The following RAD54L2 variants were observed in gnomAD, a reference collection of about 807,000 sequenced individuals.
RAD54L2 encodes the protein RAD54 like 2, also known as helicase ARIP4.
A neutral mutation model predicts 138.4 loss-of-function variants in RAD54L2; 27 were observed. The observed-to-expected ratio is 0.20, with a 90% CI of 0.14 to 0.27. The LOEUF (loss-of-function observed/expected upper bound fraction) is 0.27. RAD54L2 is among the 10% of genes least tolerant of loss of function. The pLI, the probability that RAD54L2 is intolerant of heterozygous loss-of-function variation, is 1.00. For missense variants in RAD54L2, 1,396 were observed against 1,890.2 expected (o/e 0.74, Z 4.85); for synonymous variants, 644 against 723.2 (o/e 0.89, Z 1.76).
At chr3:51,626,105 A>C (rs1242081740) in intron 3 of RAD54L2, among the ~76,000 whole-genome samples, 1 of 151,982 alleles carries the variant, frequency 6.6e-6, no homozygotes, top group African/African-American at 2.4e-5. Context: ...AAAAACAACC[A>C]AAAAAACCCC....
chr3:51,659,107 T>G (rs1701687716), intron 21 of RAD54L2, among the ~76,000 whole-genome samples: 1 of 141,220 alleles, frequency 7.1e-6, no homozygotes, highest in South Asian at 2.4e-4. Context: ...TGTTTTTTTT[T>G]TTTTTTTTTT....
At chr3:51,612,776 G>A (rs1406729053) in intron 3 of RAD54L2, among the ~76,000 whole-genome samples, 2 of 151,434 alleles carry the variant, frequency 1.3e-5, no homozygotes, top group African/African-American at 4.9e-5. Context: ...TATTTCATGA[G>A]TGAAAAAGTA....
chr3:51,589,134 C>T (rs746310948), intron 2 of RAD54L2, among the ~76,000 whole-genome samples: 14 of 152,166 alleles, frequency 9.2e-5, no homozygotes, highest in Non-Finnish European at 1.5e-4. Flanking sequence ...CTGATAAATG[C>T]ATCGTAAGTT....
intron 3 of RAD54L2, 34 bp from the exon 4 acceptor site, chr3:51,627,519 C>A: frequency 6.5e-7 from 1 of 1,540,566 alleles, no homozygotes; most frequent in South Asian, 1.2e-5. Context: ...CCCCTCACCC[C>A]TATAAAGCAA....
At chr3:51,581,263 A>C (rs912350933) in intron 2 of RAD54L2, among the ~76,000 whole-genome samples, 6 of 152,052 alleles carry the variant, frequency 3.9e-5, no homozygotes. Flanking sequence ...ACAACCGGCT[A>C]ATTTTTGTAT....
Position 51,662,660 on chromosome 3 carries a change from T to C in RAD54L2, c.3644T>C (p.Val1215Ala). 1 of 1,613,546 alleles carries C rather than the reference T, an allele frequency of 6.2e-7. No individual in the cohort carries two copies. The highest frequency in any genetic ancestry group is 8.5e-7 in the Non-Finnish European group (1 of 1,179,726). ...PPAQLMDSSA[V>A]PGTALGTEPR... Reference sequence around the variant, plus strand: ...GCCCAACTTATGGACAGCAGTGCTGTTCCCGGGACAGCTCTCGGAACTGAG... The same window carrying C: ...GCCCAACTTATGGACAGCAGTGCTGCTCCCGGGACAGCTCTCGGAACTGAG... Residue 1215 changes from valine to alanine, a missense_variant, in exon 23 of 23, where the codon GTT becomes GCT. By Grantham distance (64) the Val-to-Ala change is moderately conservative. Transcript: ENST00000684192. The surrounding 1 kb of genome is among the most constrained non-coding windows in gnomAD (Gnocchi z 4.6).
chr3:51,627,067 G>T (rs893440298), intron 3 of RAD54L2, among the ~76,000 whole-genome samples: 2 of 152,116 alleles, frequency 1.3e-5, no homozygotes, highest in African/African-American at 4.8e-5. Context: ...CCCTTGAAGC[G>T]TCTAGGATAT....
intron 2 of RAD54L2, among the ~76,000 whole-genome samples, chr3:51,576,856 C>T (rs1171762010): frequency 5.3e-5 from 8 of 151,910 alleles, no homozygotes; most frequent in African/African-American, 1.9e-4. Flanking sequence ...TCCTTCAGTT[C>T]TGCTCTGATC....
At chr3:51,629,237 C>T (rs1577438553) in intron 4 of RAD54L2, 97 bp from the exon 5 acceptor site, 1 of 1,365,798 alleles carries the variant, frequency 7.3e-7, no homozygotes, top group East Asian at 2.5e-5. Context: ...CCCGCCTCGA[C>T]TCTGAGATCA....
At chr3:51,581,768 T>C (rs1297630791) in intron 2 of RAD54L2, among the ~76,000 whole-genome samples, 1 of 152,140 alleles carries the variant, frequency 6.6e-6, no homozygotes, top group Non-Finnish European at 1.5e-5. Flanking sequence ...GCTTGGCTTT[T>C]TTCCAAGCCT....
At chr3:51,633,838 CT>C in intron 8 of RAD54L2, 63 bp from the exon 9 acceptor site, 1 of 1,603,512 alleles carries the variant, frequency 6.2e-7, no homozygotes, top group Non-Finnish European at 8.5e-7. Flanking sequence ...CACCAAAAAG[CT>C]TGATGAGCTC....
chr3:51,543,111 G>A (rs1553671600), intron 2 of RAD54L2, among the ~76,000 whole-genome samples: 1 of 151,854 alleles, frequency 6.6e-6, no homozygotes, highest in Non-Finnish European at 1.5e-5. Flanking sequence ...CTCTGTTCAG[G>A]CATGTTTTTG....
At chr3:51,581,957 T>G (rs1699616370) in intron 2 of RAD54L2, among the ~76,000 whole-genome samples, 1 of 151,520 alleles carries the variant, frequency 6.6e-6, no homozygotes, top group African/African-American at 2.4e-5. Flanking sequence ...TCAGGGTTAC[T>G]CTGTCACCCA....
chr3:51,611,950 T>G (rs966578472), intron 3 of RAD54L2, among the ~76,000 whole-genome samples: 5 of 152,094 alleles, frequency 3.3e-5, no homozygotes, highest in African/African-American at 1.2e-4. Context: ...GGCGGTAGAG[T>G]TTCCCATCCT....
intron 3 of RAD54L2, among the ~76,000 whole-genome samples, chr3:51,617,991 C>G (rs577086192): frequency 6.6e-6 from 1 of 152,000 alleles, no homozygotes; most frequent in African/African-American, 2.4e-5. Context: ...CGGAGTCTCA[C>G]TCTGTCGCTC....
At chr3:51,590,610 G>A (rs1198270587) in intron 3 of RAD54L2, 51 bp downstream of exon 3, 4 of 1,552,044 alleles carry the variant, frequency 2.6e-6, no homozygotes, top group Non-Finnish European at 3.5e-6. Context: ...TTCCTCCAGT[G>A]GAATTTTTGC....
At chr3:51,624,364 G>A (rs1559640734) in intron 3 of RAD54L2, among the ~76,000 whole-genome samples, 1 of 151,822 alleles carries the variant, frequency 6.6e-6, no homozygotes, top group Middle Eastern at 3.4e-3. Context: ...AGCCTCTTGA[G>A]TAGCTGGGAC....
chr3:51,610,657 A>AAAAAAAAAAAAAAC (rs1180965179), intron 3 of RAD54L2, among the ~76,000 whole-genome samples: 5 of 151,272 alleles, frequency 3.3e-5, no homozygotes, highest in African/African-American at 1.2e-4. Context: ...AAAAAAAAAA[A>AAAAAAAAAAAAAAC]CAGAAAGAAT....
intron 3 of RAD54L2, among the ~76,000 whole-genome samples, chr3:51,601,037 T>C (rs1700068708): frequency 6.6e-6 from 1 of 152,130 alleles, no homozygotes. Context: ...AGTAAATGTA[T>C]TGATGCTGTT....
Sources: gnomAD v4.1 joint callset for allele counts (sites outside exome capture counted in the v4.1 genomes callset) on GRCh38, gnomAD v4.1.1 for gene constraint, Gnocchi (gnomAD v3.1) non-coding constraint, MANE v1.5 for transcripts, NCBI Gene and HGNC (gene_info 2026-07-23, HGNC 2026-07-21) for gene names.